CNTN4: variants seen among roughly 807,000 people sequenced by gnomAD.
CNTN4 encodes the protein contactin 4.
In CNTN4, 77 loss-of-function variants were observed where a neutral mutation model predicts 122.5. The observed-to-expected ratio is 0.63, with a 90% CI of 0.52 to 0.76. The LOEUF is 0.76. CNTN4 is among the 30% of genes least tolerant of loss of function. The probability of loss-of-function intolerance (pLI) is 0.00; values close to 1 mark genes in which losing one functional copy is unlikely to be tolerated. For missense variants in CNTN4, 1,256 were observed against 1,259.1 expected (o/e 1.00, Z 0.04); for synonymous variants, 512 against 447.0 (o/e 1.15, Z -1.83).
chr3:2,258,261 A>G (rs2040681181), intron 2 of CNTN4, among the ~76,000 whole-genome samples: 1 of 152,208 alleles, frequency 6.6e-6, no homozygotes, highest in Admixed American at 6.5e-5. Flanking sequence ...CCAAAGCATT[A>G]TAAATCATTC....
chr3:2,814,627 C>T (rs916717621), intron 6 of CNTN4, among the ~76,000 whole-genome samples: 1 of 152,160 alleles, frequency 6.6e-6, no homozygotes, highest in African/African-American at 2.4e-5. Flanking sequence ...TTTAAATGAA[C>T]GTTTTTGTGT....
intron 3 of CNTN4, among the ~76,000 whole-genome samples, chr3:2,472,259 G>A (rs1489619156): frequency 1.3e-5 from 2 of 151,516 alleles, no homozygotes; most frequent in African/African-American, 4.9e-5. Context: ...ATTTGTTTTT[G>A]AGACAGAGTC....
intron 17 of CNTN4, 129 bp from the exon 18 acceptor site, chr3:3,037,050 C>G: frequency 9.2e-7 from 1 of 1,092,736 alleles, no homozygotes; most frequent in East Asian, 2.4e-5. Flanking sequence ...CAGCTAATAT[C>G]AGAACACCTA....
chr3:2,414,352 C>T (rs2047336891), intron 3 of CNTN4, among the ~76,000 whole-genome samples: 1 of 152,078 alleles, frequency 6.6e-6, no homozygotes, highest in Admixed American at 6.6e-5. Context: ...AAAAATTTCT[C>T]ATTAAATGAA....
Position 2,638,657 on chromosome 3 carries a change from A to G in CNTN4, c.55+67099A>G, listed in dbSNP as rs534938374. Among the ~76,000 whole-genome samples the G allele has an allele frequency of 3.3e-5, 5 of 152,326 alleles. No individual in the cohort carries two copies. In the South Asian group the frequency reaches 1.0e-3, roughly 32 times the overall value. On this transcript the variant is annotated intron_variant, in intron 4 of 24. Coordinates refer to ENST00000418658, the MANE Select transcript of CNTN4 (RefSeq NM_175607.3). ...GAAAACTAATATCGTTGATGAAACC[A>G]TTTAGCTAGACATATACAGTGTGAT...
At chr3:2,970,523 T>C (rs1320231772) in intron 13 of CNTN4, among the ~76,000 whole-genome samples, 2 of 152,152 alleles carry the variant, frequency 1.3e-5, no homozygotes, top group Non-Finnish European at 2.9e-5. Flanking sequence ...TCCAGCTCAC[T>C]GCAGCCTCGA....
At chr3:3,037,131 G>C in intron 17 of CNTN4, 48 bp from the exon 18 acceptor site, 2 of 1,605,298 alleles carry the variant, frequency 1.2e-6, no homozygotes, top group Non-Finnish European at 1.7e-6. Flanking sequence ...CTCTGCATTT[G>C]TTTTCTGAGA....
intron 13 of CNTN4, among the ~76,000 whole-genome samples, chr3:2,986,171 C>G (rs1489567882): frequency 6.6e-6 from 1 of 151,970 alleles, no homozygotes; most frequent in African/African-American, 2.4e-5. Context: ...TGCCTCAGCC[C>G]CCTAAAGTGC....
intron 12 of CNTN4, among the ~76,000 whole-genome samples, chr3:2,924,847 G>T (rs1184283120): frequency 2.6e-5 from 4 of 152,072 alleles, no homozygotes; most frequent in Admixed American, 2.6e-4. Context: ...AGACAGTTCA[G>T]CATGTTCTCT....
At chr3:2,393,124 A>C (rs1263621432) in intron 3 of CNTN4, among the ~76,000 whole-genome samples, 1 of 152,062 alleles carries the variant, frequency 6.6e-6, no homozygotes, top group Non-Finnish European at 1.5e-5. Context: ...TTTGCCTGCG[A>C]TCTTTGGAAT....
intron 6 of CNTN4, among the ~76,000 whole-genome samples, chr3:2,806,192 C>T (rs1008645356): frequency 6.6e-5 from 10 of 152,338 alleles, no homozygotes; most frequent in East Asian, 5.8e-4. Context: ...TGAGCCACCG[C>T]GCCCAGCCTC....
chr3:2,659,701 C>T (rs1017309333), intron 4 of CNTN4, among the ~76,000 whole-genome samples: 6 of 152,042 alleles, frequency 3.9e-5, no homozygotes, highest in African/African-American at 1.2e-4. Context: ...TCACCTGAGC[C>T]CAGAGCCACA....
intron 4 of CNTN4, among the ~76,000 whole-genome samples, chr3:2,607,750 G>C (rs1051872357): frequency 6.6e-6 from 1 of 151,960 alleles, no homozygotes; most frequent in Non-Finnish European, 1.5e-5. Flanking sequence ...CTTTTTAAAT[G>C]CTATGTTAAA....
At chr3:2,551,639 A>G (rs1221276905) in intron 3 of CNTN4, among the ~76,000 whole-genome samples, 3 of 152,210 alleles carry the variant, frequency 2.0e-5, no homozygotes, top group Non-Finnish European at 4.4e-5. Context: ...AATCCCATGC[A>G]AAATCAGTTT....
chr3:2,985,972 T>C (rs982560720), intron 13 of CNTN4, among the ~76,000 whole-genome samples: 2 of 149,706 alleles, frequency 1.3e-5, no homozygotes, highest in African/African-American at 4.9e-5. Flanking sequence ...TGGAGTGTAG[T>C]GGTGCCATCT....
chr3:2,500,982 T>A (rs2076579134), intron 3 of CNTN4, among the ~76,000 whole-genome samples: 1 of 152,208 alleles, frequency 6.6e-6, no homozygotes, highest in African/African-American at 2.4e-5. Context: ...TCTCTGCTCT[T>A]AGATTTTTAT....
intron 4 of CNTN4, among the ~76,000 whole-genome samples, chr3:2,657,286 C>G (rs187844744): frequency 6.6e-5 from 10 of 152,260 alleles, no homozygotes; most frequent in Admixed American, 3.3e-4. Context: ...CAAGATAATA[C>G]AGACTGTTTG....
At chr3:2,680,635 G>A (rs1376577540) in intron 4 of CNTN4, among the ~76,000 whole-genome samples, 1 of 152,096 alleles carries the variant, frequency 6.6e-6, no homozygotes, top group East Asian at 1.9e-4. Context: ...CATAATTGTA[G>A]TCCAATGATT....
chr3:2,154,476 C>T (rs1055766875), intron 2 of CNTN4, among the ~76,000 whole-genome samples: 14 of 152,038 alleles, frequency 9.2e-5, no homozygotes, highest in African/African-American at 2.7e-4. Context: ...TGGCGTATTT[C>T]GCTCAAGTGA....
Sources: allele counts gnomAD v4.1 joint callset (sites outside exome capture counted in the v4.1 genomes callset), GRCh38; gene constraint gnomAD v4.1.1; transcripts MANE v1.5; gene names NCBI Gene and HGNC (gene_info 2026-07-23, HGNC 2026-07-21).